PCDH7: variants seen among roughly 807,000 people sequenced by gnomAD.
The protein encoded by PCDH7 is protocadherin-7.
In PCDH7, 17 loss-of-function variants were observed where a neutral mutation model predicts 58.9. The observed-to-expected ratio is 0.29, with a 90% CI of 0.20 to 0.43. PCDH7 has a LOEUF of 0.43. PCDH7 is among the 20% of genes least tolerant of loss of function. The pLI is 1.00. For synonymous variants in PCDH7, 664 were observed against 616.4 expected (o/e 1.08, Z -1.14); for missense variants, 1,274 against 1,441.0 (o/e 0.88, Z 1.88).
intron 3 of PCDH7, among the ~76,000 whole-genome samples, chr4:31,121,813 A>G (rs1717723463): frequency 6.6e-6 from 1 of 152,150 alleles, no homozygotes; most frequent in Non-Finnish European, 1.5e-5. Flanking sequence ...ATCTGTAAGG[A>G]GTTCCATTTT....
chr4:30,804,063 T>C (rs1269201660), intron 1 of PCDH7, among the ~76,000 whole-genome samples: 1 of 152,222 alleles, frequency 6.6e-6, no homozygotes, highest in Non-Finnish European at 1.5e-5. Flanking sequence ...AGATCTCACC[T>C]TTTAATACTG....
intron 2 of PCDH7, chr4:30,935,263 G>T (rs905455511): frequency 1.4e-6 from 1 of 729,048 alleles, no homozygotes; most frequent in African/African-American, 1.9e-5. Context: ...AATCAGACTT[G>T]CAATGTTCAT....
chr4:30,768,979 A>G (rs1181221979), intron 1 of PCDH7, among the ~76,000 whole-genome samples: 3 of 152,236 alleles, frequency 2.0e-5, no homozygotes, highest in Non-Finnish European at 4.4e-5. Flanking sequence ...AATCAATCTA[A>G]TATAGATTAG....
intron 1 of PCDH7, among the ~76,000 whole-genome samples, chr4:30,851,328 A>C (rs1329283075): frequency 3.3e-5 from 5 of 152,022 alleles, no homozygotes; most frequent in African/African-American, 1.2e-4. Flanking sequence ...TAAATATGTG[A>C]TCTTGGGAAA....
At chr4:30,970,091 T>C (rs145560638) in intron 3 of PCDH7, among the ~76,000 whole-genome samples, 277 of 152,304 alleles carry the variant, frequency 1.8e-3, no homozygotes, top group African/African-American at 6.4e-3. Context: ...CCACAGAGCC[T>C]GAACCCCAAG....
At chr4:30,993,697 G>GA (rs1381018562) in intron 3 of PCDH7, among the ~76,000 whole-genome samples, 1 of 150,508 alleles carries the variant, frequency 6.6e-6, no homozygotes, top group African/African-American at 2.4e-5. Context: ...ATTTTTATAG[G>GA]AAAAAATACT....
chr4:30,764,840 C>T (rs1197037961), intron 1 of PCDH7, among the ~76,000 whole-genome samples: 1 of 152,050 alleles, frequency 6.6e-6, no homozygotes, highest in African/African-American at 2.4e-5. Context: ...CCTACCTCAG[C>T]CTCCAGAGTA....
intron 1 of PCDH7, among the ~76,000 whole-genome samples, chr4:30,901,723 C>T (rs1740240128): frequency 6.6e-6 from 1 of 152,086 alleles, no homozygotes; most frequent in African/African-American, 2.4e-5. Flanking sequence ...ATTTTTCAGC[C>T]TAAGGAACTC....
At chr4:30,831,430 A>T (rs528008345) in intron 1 of PCDH7, among the ~76,000 whole-genome samples, 1 of 152,184 alleles carries the variant, frequency 6.6e-6, no homozygotes, top group Non-Finnish European at 1.5e-5. Flanking sequence ...ACAACTATAC[A>T]TAGGGTAATA....
intron 2 of PCDH7, among the ~76,000 whole-genome samples, chr4:30,948,745 C>A (rs1747014308): frequency 6.6e-6 from 1 of 152,046 alleles, no homozygotes; most frequent in African/African-American, 2.4e-5. Context: ...CTTATGACAA[C>A]CAATTAGTTT....
intron 3 of PCDH7, among the ~76,000 whole-genome samples, chr4:31,096,879 G>C (rs968961566): frequency 6.6e-6 from 1 of 151,262 alleles, no homozygotes; most frequent in Non-Finnish European, 1.5e-5. Context: ...GTTCATAATT[G>C]ATTACTGTGA....
intron 1 of PCDH7, among the ~76,000 whole-genome samples, chr4:30,753,526 C>A (rs2109260896): frequency 6.6e-6 from 1 of 152,288 alleles, no homozygotes; most frequent in African/African-American, 2.4e-5. Flanking sequence ...CAAAGGCTAG[C>A]AGTAGCACGC....
intron 3 of PCDH7, among the ~76,000 whole-genome samples, chr4:31,070,418 T>A (rs1412780930): frequency 6.6e-6 from 1 of 152,072 alleles, no homozygotes; most frequent in African/African-American, 2.4e-5. Context: ...TACGACTGAC[T>A]TTTTGTTTAA....
intron 2 of PCDH7, among the ~76,000 whole-genome samples, chr4:30,921,534 A>C (rs1316233711): frequency 6.6e-6 from 1 of 152,148 alleles, no homozygotes. Context: ...AAATTATATT[A>C]TGCTAAATAA....
chr4:30,724,580 A>G (rs770724682), exon 1 of PCDH7: 6 of 1,614,118 alleles, frequency 3.7e-6, no homozygotes, highest in Admixed American at 1.7e-5. Context: ...CAAACCAATA[A>G]CAAGTACAGC....
Position 30,899,758 on chromosome 4 carries a change from T to C in PCDH7, c.71-20395T>C, listed in dbSNP as rs562054970. ...TTTTATCAATTCTTCACCACATATG[T>C]GTGTTTGTGGGGTGGGGGTGAGGTG... is the stretch of plus-strand genomic sequence containing the variant. On this transcript the variant is annotated intron_variant, in intron 1 of 3. Coordinates refer to the PCDH7 transcript ENST00000509759. 2.3e-3 allele frequency among the ~76,000 whole-genome samples: 343 copies of C among 152,096 alleles called. 1 individual carries two copies. Among genetic ancestry groups the C allele is most frequent in the African/African-American group, 8.0e-3 (331 of 41,502 alleles).
chr4:30,794,485 T>C (rs4557224), intron 1 of PCDH7, among the ~76,000 whole-genome samples: 87,506 of 151,968 alleles, frequency 0.58, 26,030 homozygotes, highest in African/African-American at 0.73. Flanking sequence ...AGTTAATCTA[T>C]AGATATCATT....
At chr4:31,026,924 T>C (rs61792948) in intron 3 of PCDH7, among the ~76,000 whole-genome samples, 7,581 of 152,274 alleles carry the variant, frequency 0.05, 451 homozygotes, top group East Asian at 0.3. Context: ...AAAGTCAGCT[T>C]ATTGGTAGTA....
chr4:31,123,703 G>C (rs1717950318), intron 3 of PCDH7, among the ~76,000 whole-genome samples: 1 of 152,166 alleles, frequency 6.6e-6, no homozygotes, highest in Non-Finnish European at 1.5e-5. Flanking sequence ...CACACCCAGT[G>C]CACCCATAAT....
Sources: gnomAD v4.1 joint callset for allele counts (sites outside exome capture counted in the v4.1 genomes callset) on GRCh38, gnomAD v4.1.1 for gene constraint, MANE v1.5 for transcripts, NCBI Gene and HGNC (gene_info 2026-07-23, HGNC 2026-07-21) for gene names.